CPQ: variants seen among roughly 807,000 people sequenced by gnomAD.
CPQ encodes Ser-Met dipeptidase.
In CPQ, 37 loss-of-function variants were observed where a neutral mutation model predicts 45.7. The ratio of observed to expected loss-of-function variants is 0.81; its 90% CI spans 0.62 to 1.07. CPQ has a LOEUF of 1.07. Ranked by LOEUF, CPQ falls within the 50% of genes least tolerant of loss-of-function variation. The pLI is 0.00. For missense variants in CPQ, 537 were observed against 572.9 expected (o/e 0.94, Z 0.64); for synonymous variants, 186 against 205.8 (o/e 0.90, Z 0.82).
chr8:96,856,375 G>A (rs544822826), intron 3 of CPQ, among the ~76,000 whole-genome samples: 49 of 152,352 alleles, frequency 3.2e-4, no homozygotes, highest in African/African-American at 1.2e-3. Context: ...ATTGCTGATG[G>A]TTTGGATATA....
intron 7 of CPQ, among the ~76,000 whole-genome samples, chr8:97,102,138 GTTGT>G (rs760599822): frequency 7.2e-5 from 11 of 152,080 alleles, no homozygotes; most frequent in Non-Finnish European, 1.2e-4. Context: ...GATTACTTGA[GTTGT>G]TTGTTTGTTT....
intron 1 of CPQ, among the ~76,000 whole-genome samples, chr8:96,669,442 C>T (rs1040458304): frequency 1.3e-5 from 2 of 152,168 alleles, no homozygotes; most frequent in Admixed American, 6.5e-5. Flanking sequence ...GAGGCAGTGA[C>T]ACCTCCCACT....
At chr8:96,825,294 C>T (rs1390624260) in intron 2 of CPQ, among the ~76,000 whole-genome samples, 1 of 151,990 alleles carries the variant, frequency 6.6e-6, no homozygotes, top group Non-Finnish European at 1.5e-5. Context: ...TTCCCTGGGC[C>T]TATAGTTAGG....
chr8:97,050,278 G>A (rs1005267515), intron 6 of CPQ, among the ~76,000 whole-genome samples: 1 of 152,280 alleles, frequency 6.6e-6, no homozygotes, highest in South Asian at 2.1e-4. Context: ...TTAATGATCT[G>A]TGTTGATACC....
chr8:96,758,227 T>C (rs763282919), intron 1 of CPQ, among the ~76,000 whole-genome samples: 11 of 152,330 alleles, frequency 7.2e-5, no homozygotes, highest in Non-Finnish European at 1.3e-4. Flanking sequence ...CTGGTTTGTG[T>C]AGGAGCCCAT....
chr8:96,946,930 A>C (rs1813196798), intron 4 of CPQ, among the ~76,000 whole-genome samples: 1 of 152,040 alleles, frequency 6.6e-6, no homozygotes, highest in Non-Finnish European at 1.5e-5. Context: ...ATAGAATTTG[A>C]TTTTATTTTT....
At chr8:97,031,138 C>T (rs1260346505) in intron 6 of CPQ, among the ~76,000 whole-genome samples, 1 of 150,516 alleles carries the variant, frequency 6.6e-6, no homozygotes, top group Non-Finnish European at 1.5e-5. Context: ...CTCTAAAATT[C>T]TATACATATT....
chr8:96,981,587 A>G (rs1813897292), intron 5 of CPQ, among the ~76,000 whole-genome samples: 1 of 152,186 alleles, frequency 6.6e-6, no homozygotes, highest in Admixed American at 6.5e-5. Flanking sequence ...AGTCATTTCA[A>G]TGTCATTTTT....
At chr8:96,967,484 C>A (rs1043425786) in intron 5 of CPQ, among the ~76,000 whole-genome samples, 2 of 152,098 alleles carry the variant, frequency 1.3e-5, no homozygotes, top group African/African-American at 2.4e-5. Flanking sequence ...CTTACTTCTT[C>A]GGTATTCAGC....
At chr8:96,679,006 C>T (rs1809112917) in intron 1 of CPQ, among the ~76,000 whole-genome samples, 1 of 151,902 alleles carries the variant, frequency 6.6e-6, no homozygotes, top group South Asian at 2.1e-4. Flanking sequence ...ATTGCTTCTC[C>T]TATGTATTCT....
intron 7 of CPQ, among the ~76,000 whole-genome samples, chr8:97,122,959 A>AAT (rs1386636002): frequency 6.7e-5 from 6 of 88,978 alleles, no homozygotes; most frequent in Admixed American, 3.3e-4. Context: ...AATAAAATAA[A>AAT]ATAAAATAAA....
At chr8:96,670,310 A>ATT (rs76070257) in intron 1 of CPQ, among the ~76,000 whole-genome samples, 36 of 144,036 alleles carry the variant, frequency 2.5e-4, no homozygotes, top group East Asian at 1.5e-3. Flanking sequence ...GAGTGACTCA[A>ATT]TTTTTTTTTT....
chr8:96,891,698 A>G (rs1812378995), intron 4 of CPQ, among the ~76,000 whole-genome samples: 2 of 152,202 alleles, frequency 1.3e-5, no homozygotes, highest in African/African-American at 2.4e-5. Flanking sequence ...CATCCTTAAA[A>G]TTTTGTATAT....
chr8:96,763,971 C>A (rs1381168173), intron 1 of CPQ, among the ~76,000 whole-genome samples: 2 of 152,122 alleles, frequency 1.3e-5, no homozygotes, highest in Non-Finnish European at 1.5e-5. Flanking sequence ...AACAACTTGG[C>A]AGTTTAAAAA....
chr8:96,856,196 C>T (rs991213212), intron 3 of CPQ, among the ~76,000 whole-genome samples: 5 of 152,158 alleles, frequency 3.3e-5, no homozygotes, highest in African/African-American at 9.7e-5. Context: ...AAGATCACTG[C>T]CCAGCGGGAC....
intron 7 of CPQ, among the ~76,000 whole-genome samples, chr8:97,097,374 G>GT (rs1049943716): frequency 1.9e-4 from 29 of 152,188 alleles, no homozygotes; most frequent in Admixed American, 1.2e-3. Flanking sequence ...TGACTTGCTA[G>GT]TTTTTTGATG....
intron 3 of CPQ, among the ~76,000 whole-genome samples, chr8:96,860,210 A>AT (rs1206727267): frequency 3.9e-5 from 6 of 152,148 alleles, no homozygotes; most frequent in Non-Finnish European, 7.4e-5. Context: ...TGCAGTGATC[A>AT]TGCCATGGAT....
At chr8:96,737,022 G>T (rs908121434) in intron 1 of CPQ, among the ~76,000 whole-genome samples, 1 of 151,770 alleles carries the variant, frequency 6.6e-6, no homozygotes, top group Non-Finnish European at 1.5e-5. Context: ...TTTGCCAGAG[G>T]TATGCCAATT....
intron 7 of CPQ, among the ~76,000 whole-genome samples, chr8:97,122,789 G>A (rs1164299934): frequency 6.6e-6 from 1 of 150,540 alleles, no homozygotes; most frequent in Non-Finnish European, 1.5e-5. Flanking sequence ...GCAGCCTGAG[G>A]CAGGAGAATC....
Sources: gnomAD v4.1 joint callset for allele counts (sites outside exome capture counted in the v4.1 genomes callset) on GRCh38, gnomAD v4.1.1 for gene constraint, MANE v1.5 for transcripts, NCBI Gene and HGNC (gene_info 2026-07-23, HGNC 2026-07-21) for gene names.